SPIN1: variants seen among roughly 807,000 people sequenced by gnomAD.
SPIN1 encodes spindlin-1.
Under a neutral mutation model 26.0 loss-of-function variants are expected in SPIN1, and 3 were observed. That is an observed-to-expected ratio of 0.12 (90% CI 0.05 to 0.30). The LOEUF (loss-of-function observed/expected upper bound fraction) is 0.30, where lower values mean the gene tolerates loss of function less well. Among genes scored for constraint, SPIN1 ranks in the 10% least tolerant of loss-of-function variants. The pLI, the probability that SPIN1 is intolerant of heterozygous loss-of-function variation, is 1.00. For synonymous variants in SPIN1, 101 were observed against 116.5 expected (o/e 0.87, Z 0.86); for missense variants, 126 against 333.4 (o/e 0.38, Z 4.84).
chr9:88,421,700 T>G (rs1292517880), intron 1 of SPIN1, among the ~76,000 whole-genome samples: 1 of 151,096 alleles, frequency 6.6e-6, no homozygotes, highest in Non-Finnish European at 1.5e-5. Flanking sequence ...GAGCAGTATG[T>G]CTACCATTTT....
rs1270827481 is a variant in SPIN1, at chr9:88,434,977, G to A, written c.52+8386G>A. 5.9e-5 allele frequency among the ~76,000 whole-genome samples: 9 copies of A among 151,662 alleles called. No homozygotes were observed. In the South Asian group the frequency reaches 8.3e-4, roughly 14 times the overall value. On this transcript the variant is annotated intron_variant, in intron 2 of 5. Transcript: ENST00000375859. ...TGAGGCGGGAGAATTATCTGAACCC[G>A]GGAGGCGGAGGTTGCAGTGAGCCAA...
chr9:88,426,461 C>A lies in SPIN1; in HGVS notation c.-79C>A. 1.7e-6 allele frequency: 2 copies of A among 1,187,334 alleles called. No individual in the cohort carries two copies. Among genetic ancestry groups the A allele is most frequent in the Non-Finnish European group, 2.5e-6 (2 of 809,538 alleles). The allele number at this position is 1,187,334 out of a possible 1,614,324, so 73.5% of individuals were successfully genotyped here. On this transcript the variant is annotated 5_prime_UTR_variant, in exon 2 of 6. The change creates a new upstream start codon in the 5' untranslated region. Transcript: ENST00000375859. The stretch of plus-strand genomic sequence containing the variant: ...GTGGATTAACCAGAACACTAACATT[C>A]TGTGAAAAGTTTCAAATTGGAGAAT...
chr9:88,411,590 T>C, intron 1 of SPIN1: 1 of 567,750 alleles, frequency 1.8e-6, no homozygotes, highest in Non-Finnish European at 3.1e-6. Context: ...CTTGGCTTAC[T>C]ATAGCCTTGG....
chr9:88,436,967 G>A lies in SPIN1; in HGVS notation c.52+10376G>A, dbSNP rs953505223. ...TTTTTAGTAGAGACGGGGTTTCACCGTTTTAGCCGGGATGGTCTCGATCTC... is the reference window on the plus strand; with the variant it reads ...TTTTTAGTAGAGACGGGGTTTCACCATTTTAGCCGGGATGGTCTCGATCTC... On this transcript the variant is annotated intron_variant, in intron 2 of 5. Transcript: ENST00000375859. 1.7e-4 allele frequency among the ~76,000 whole-genome samples: 25 copies of A among 151,294 alleles called. 2 individuals are homozygous for A. Among genetic ancestry groups the A allele is most frequent in the African/African-American group, 4.8e-4 (20 of 41,344 alleles).
intron 3 of SPIN1, among the ~76,000 whole-genome samples, chr9:88,458,812 CA>C (rs1442177457): frequency 1.3e-5 from 2 of 152,126 alleles, no homozygotes; most frequent in Admixed American, 1.3e-4. Flanking sequence ...AGCTGCAGCA[CA>C]AACAGCCAGT....
At chr9:88,444,695 T>C (rs1336209873) in intron 2 of SPIN1, among the ~76,000 whole-genome samples, 8 of 146,936 alleles carry the variant, frequency 5.4e-5, no homozygotes, top group South Asian at 2.2e-4. Flanking sequence ...TCTTTTCTTT[T>C]TTTTTTTTTT....
At chr9:88,474,709 G>T (rs1345056869) in intron 5 of SPIN1, among the ~76,000 whole-genome samples, 7 of 152,114 alleles carry the variant, frequency 4.6e-5, no homozygotes, top group Non-Finnish European at 1.0e-4. Flanking sequence ...ATGGGCCAAA[G>T]AAATTTTTGG....
At chr9:88,451,810 C>G (rs1001134515) in intron 3 of SPIN1, among the ~76,000 whole-genome samples, 3 of 152,230 alleles carry the variant, frequency 2.0e-5, no homozygotes, top group Non-Finnish European at 4.4e-5. Flanking sequence ...ATCCACCTAC[C>G]TCAGCCTCCC....
intron 4 of SPIN1, among the ~76,000 whole-genome samples, chr9:88,465,032 C>G (rs913363830): frequency 6.6e-5 from 10 of 152,190 alleles, no homozygotes; most frequent in African/African-American, 2.4e-4. Context: ...TAACTTATTT[C>G]ACTTAGCATA....
chr9:88,458,967 C>G (rs1047514267), intron 3 of SPIN1, among the ~76,000 whole-genome samples: 2 of 152,206 alleles, frequency 1.3e-5, no homozygotes, highest in African/African-American at 4.8e-5. Context: ...ACAGAGACAT[C>G]TAGAGTGGTG....
At chr9:88,423,484 G>T (rs1476593820) in intron 1 of SPIN1, among the ~76,000 whole-genome samples, 1 of 152,066 alleles carries the variant, frequency 6.6e-6, no homozygotes, top group Non-Finnish European at 1.5e-5. Flanking sequence ...TGTCACCCAG[G>T]CTGTAGTGCA....
rs910880119 is a variant in SPIN1 at position 88,412,047 on chromosome 9, T to C, written c.-158-14335T>C. Reference sequence around the variant, plus strand: ...AAAAAAAAATAGCTGGGCCTTGTGGTGGGCGCCTGTAGTCCCAGCTACTCG... The same window carrying C: ...AAAAAAAAATAGCTGGGCCTTGTGGCGGGCGCCTGTAGTCCCAGCTACTCG... On this transcript the variant is annotated intron_variant, in intron 1 of 5. Coordinates refer to ENST00000375859, the MANE Select transcript of SPIN1 (RefSeq NM_006717.3). Among the ~76,000 whole-genome samples, 12 of 148,026 alleles carry C rather than the reference T, an allele frequency of 8.1e-5. No individual in the cohort carries two copies. In the East Asian group the frequency reaches 2.4e-3, roughly 29 times the overall value.
intron 1 of SPIN1, among the ~76,000 whole-genome samples, chr9:88,421,014 G>A (rs549137164): frequency 2.2e-4 from 33 of 152,244 alleles, no homozygotes; most frequent in African/African-American, 7.7e-4. Context: ...TTCTAGAATC[G>A]TAAATAAAGC....
intron 1 of SPIN1, among the ~76,000 whole-genome samples, chr9:88,422,227 TAA>T (rs2118006576): frequency 6.6e-6 from 1 of 152,310 alleles, no homozygotes; most frequent in South Asian, 2.1e-4. Flanking sequence ...AATGACCTTA[TAA>T]TAAAGCTCCA....
Position 88,462,733 on chromosome 9 carries a change from C to A in SPIN1, c.339C>A (p.Val113=). The A allele has an allele frequency of 6.2e-7, 1 of 1,612,304 alleles. No individual in the cohort carries two copies. The highest frequency in any genetic ancestry group is 1.1e-5 in the South Asian group (1 of 90,842). ...NKDERVSALE[V]LPDRVATSRI... is the part of the protein sequence containing the mutation. ...ATGAAAGAGTTTCTGCGCTTGAAGT[C>A]CTCCCTGATAGAGTTGGTAAGTTCT... Residue 113 remains valine (V), a synonymous_variant, in exon 4 of 6, where the codon GTC becomes GTA. Coordinates refer to ENST00000375859, the MANE Select transcript of SPIN1 (RefSeq NM_006717.3).
intron 1 of SPIN1, among the ~76,000 whole-genome samples, chr9:88,425,797 G>T (rs939737953): frequency 6.6e-6 from 1 of 152,136 alleles, no homozygotes; most frequent in Non-Finnish European, 1.5e-5. Context: ...GGAAGCTTGT[G>T]AGCAGAAAGG....
At chr9:88,468,785 A>G (rs935901545) in intron 5 of SPIN1, among the ~76,000 whole-genome samples, 180 bp downstream of exon 5, 1 of 152,076 alleles carries the variant, frequency 6.6e-6, no homozygotes, top group African/African-American at 2.4e-5. Context: ...TTAGATAAGA[A>G]AATATTTGAT....
chr9:88,469,898 G>A (rs1246395132), intron 5 of SPIN1, among the ~76,000 whole-genome samples: 8 of 152,308 alleles, frequency 5.3e-5, no homozygotes, highest in African/African-American at 1.4e-4. Context: ...GCACAGATAT[G>A]TACAGTCCTC....
rs546818054 is a variant in SPIN1, at chr9:88,407,766, T to TC, written c.-158-18616_-158-18615insC. 1.6e-3 allele frequency among the ~76,000 whole-genome samples: 195 copies of TC among 124,966 alleles called. 5 individuals are homozygous for TC. The South Asian group carries it at 0.037, about 24-fold the overall frequency. The allele number at this position is 124,966 out of a possible 152,430, so 82.0% of individuals were successfully genotyped here. On this transcript the variant is annotated intron_variant, in intron 1 of 5. Transcript: ENST00000375859. Reference sequence around the variant, plus strand: ...CTCCTATGACTGGAATCTCTCTCTCTTTTTTTTTTTTTGAGACAGAGTCTT... The same window carrying TC: ...CTCCTATGACTGGAATCTCTCTCTCTCTTTTTTTTTTTTGAGACAGAGTCTT...
Sources: gnomAD v4.1 joint callset for allele counts (sites outside exome capture counted in the v4.1 genomes callset) on GRCh38, gnomAD v4.1.1 for gene constraint, MANE v1.5 for transcripts, NCBI Gene and HGNC (gene_info 2026-07-23, HGNC 2026-07-21) for gene names.